Variants in SUPT6H observed in about 807,000 individuals in gnomAD.
SUPT6H encodes the protein transcription elongation factor SPT6.
In SUPT6H, 11 loss-of-function variants were observed where a neutral mutation model predicts 222.3. That is an observed-to-expected ratio of 0.05 (90% CI 0.03 to 0.08). The LOEUF is 0.08. Ranked by LOEUF, SUPT6H falls within the 10% of genes least tolerant of loss-of-function variation. The probability of loss-of-function intolerance (pLI) is 1.00; values close to 1 mark genes in which losing one functional copy is unlikely to be tolerated. For synonymous variants in SUPT6H, 762 were observed against 801.2 expected (o/e 0.95, Z 0.83); for missense variants, 1,422 against 2,216.0 (o/e 0.64, Z 7.19).
intron 1 of SUPT6H, among the ~76,000 whole-genome samples, chr17:28,663,828 A>ATTTTTTTTTTTTTT (rs71135839): frequency 0.045 from 1,723 of 38,326 alleles, 677 homozygotes; most frequent in Middle Eastern, 0.21. Flanking sequence ...TGCCCACTCC[A>ATTTTTTTTTTTTTT]TTTTTTTTTT....
rs1331507681 is a variant in SUPT6H, at chr17:28,696,866, A to C, written c.3993A>C (p.Ala1331=). 1 of 1,613,856 alleles carries C rather than the reference A, an allele frequency of 6.2e-7. No individual in the cohort carries two copies. ...CAGCATACATCAAGAGAGTGATCGCACACCCATCCTTCCATAATATCAATT... is the reference window on the plus strand; with the variant it reads ...CAGCATACATCAAGAGAGTGATCGCCCACCCATCCTTCCATAATATCAATT... The part of the protein sequence containing the change: ...QRTTYIKRVI[A]HPSFHNINFK... Residue 1331 remains alanine, a synonymous_variant, in exon 30 of 37, where the codon GCA becomes GCC. Transcript: ENST00000314616.
Position 28,695,513 on chromosome 17 carries a change from G to A in SUPT6H, c.3936G>A (p.Gln1312=). Residue 1312 remains glutamine (Q), a synonymous_variant, in exon 29 of 37, where the codon CAG becomes CAA. Coordinates refer to ENST00000314616, the MANE Select transcript of SUPT6H (RefSeq NM_003170.5). The part of the protein sequence containing the change: ...DFDAEAADHK[Q]EEDMKRKQQR... ...ATGCTGAAGCTGCAGACCACAAGCA[G>A]GAGGAGGACATGAAGCGGAAGCAGC... 1.2e-6 allele frequency: 2 copies of A among 1,614,098 alleles called. No homozygotes were observed. Among genetic ancestry groups the A allele is most frequent in the Non-Finnish European group, 1.7e-6 (2 of 1,180,012 alleles).
chr17:28,666,380 C>T (rs1028166081), intron 1 of SUPT6H, among the ~76,000 whole-genome samples: 1 of 152,142 alleles, frequency 6.6e-6, no homozygotes, highest in Non-Finnish European at 1.5e-5. Context: ...TTTGCCAACC[C>T]CTGTGCTAGA....
chr17:28,666,647 G>A (rs1240581685), intron 1 of SUPT6H, among the ~76,000 whole-genome samples: 5 of 150,542 alleles, frequency 3.3e-5, no homozygotes, highest in East Asian at 2.0e-4. Context: ...TGACTCCCAC[G>A]TTCAAGCGAT....
In SUPT6H at chr17:28,681,415, G is replaced by A; in HGVS notation, c.1498+11G>A. 6.3e-7 allele frequency: 1 copy of A among 1,575,826 alleles called. No homozygotes were observed. The highest frequency in any genetic ancestry group is 8.6e-7 in the Non-Finnish European group (1 of 1,164,256). Reference sequence around the variant, plus strand: ...AGGGAGATGAAGAAGGTTAGTGCTGGAAAAGAAAATCCAGGAGATTTGATG... The same window carrying A: ...AGGGAGATGAAGAAGGTTAGTGCTGAAAAAGAAAATCCAGGAGATTTGATG... On this transcript the variant is annotated intron_variant, in intron 12 of 36. Transcript: ENST00000314616.
At position 28,674,951 on chromosome 17, in the gene SUPT6H, C is replaced by T; in HGVS notation, c.346-19C>T. 6.2e-7 allele frequency: 1 copy of T among 1,611,346 alleles called. No individual in the cohort carries two copies. Among genetic ancestry groups the T allele is most frequent in the Non-Finnish European group, 8.5e-7 (1 of 1,178,516 alleles). On this transcript the variant is annotated intron_variant, in intron 4 of 36. Coordinates refer to ENST00000314616, the MANE Select transcript of SUPT6H (RefSeq NM_003170.5). ...CCAGACTCCTCAGATCCTGATAAGG[C>T]AGGTTTTCCCACCCCTAGCAAAAGT...
At position 28,688,353 on chromosome 17, in the gene SUPT6H, T is replaced by C. The variant is rs1164152500; in HGVS notation, c.3134+135T>C. 2.5e-6 allele frequency: 3 copies of C among 1,199,802 alleles called. No homozygotes were observed. The highest frequency in any genetic ancestry group is 3.4e-6 in the Non-Finnish European group (3 of 890,246). 74.3% of individuals were successfully genotyped at this position (1,199,802 alleles called of 1,614,324 possible). A position where few individuals can be genotyped will look rare whatever the true frequency, so the allele number is the denominator to read the frequency against. ...TGTTTTAAAGAAAAGGTAAGGAACT[T>C]TATTCAGTCAAGAGCCCCTGACCTA... On this transcript the variant is annotated intron_variant, in intron 24 of 36. Transcript: ENST00000314616. The surrounding 1 kb of genome is among the most constrained non-coding windows in gnomAD (Gnocchi z 4.3).
intron 21 of SUPT6H, 30 bp downstream of exon 21, chr17:28,686,819 G>C (rs769413659): frequency 4.0e-5 from 63 of 1,562,278 alleles, no homozygotes; most frequent in Non-Finnish European, 5.1e-5. Flanking sequence ...CTTAGGGCCT[G>C]CCCAGGCAAG....
chr17:28,675,152 T>G lies in SUPT6H; in HGVS notation c.528T>G (p.Asp176Glu), dbSNP rs1241760828. ...MAPPEEEEED[D>E]EESDIDDFIV... ...CTCCAGAGGAGGAGGAAGAAGATGA[T>G]GAGGAGTCAGGTATGTTATATTGGG... Residue 176 changes from aspartate to glutamate, a missense_variant, in exon 5 of 37, where the codon GAT (aspartate) becomes GAG (glutamate). Physicochemically the swap from Asp to Glu is conservative, Grantham distance 45. Around this residue, in one of 13 missense-constraint regions of SUPT6H, gnomAD observed 389 missense variants for 544.6 expected, o/e 0.71. Transcript: ENST00000314616. 8 of 1,610,128 alleles carry G rather than the reference T, an allele frequency of 5.0e-6. No homozygotes were observed. The highest frequency in any genetic ancestry group is 6.8e-6 in the Non-Finnish European group (8 of 1,178,922).
chr17:28,686,074 A>C (rs1168774864), intron 19 of SUPT6H, among the ~76,000 whole-genome samples: 1 of 152,196 alleles, frequency 6.6e-6, no homozygotes, highest in Admixed American at 6.5e-5. Context: ...TACAATAAAA[A>C]AGAACGGTTT....
At chr17:28,667,405 GTATATATATATATATATATA>G (rs59286877) in intron 1 of SUPT6H, among the ~76,000 whole-genome samples, 4 of 49,304 alleles carry the variant, frequency 8.1e-5, no homozygotes, top group East Asian at 8.5e-4. Context: ...GTGTGTGTGT[GTATATATATATATATATATA>G]TATATATATA....
chr17:28,667,479 G>A (rs755445550), intron 1 of SUPT6H, among the ~76,000 whole-genome samples: 33 of 131,636 alleles, frequency 2.5e-4, no homozygotes, highest in East Asian at 4.5e-4. Context: ...GTGTATATAT[G>A]TGTGTGTATA....
chr17:28,696,357 G>T (rs2031914100), intron 29 of SUPT6H, among the ~76,000 whole-genome samples: 1 of 151,382 alleles, frequency 6.6e-6, no homozygotes, highest in Admixed American at 6.6e-5. Context: ...AGCACTTTGG[G>T]AGGCTGAGGC....
rs564255175 is a variant in SUPT6H at position 28,674,163 on chromosome 17, G to A, written c.110-120G>A. ...TTTTGCATCTTTACATGAGGCAGAA[G>A]AGTTAACATGGCACCCAGGTCATTA... On this transcript the variant is annotated intron_variant, in intron 2 of 36. Coordinates refer to ENST00000314616, the MANE Select transcript of SUPT6H (RefSeq NM_003170.5). 2,862 of 1,208,968 alleles carry A rather than the reference G, an allele frequency of 2.4e-3. 14 individuals carry two copies. The highest frequency in any genetic ancestry group is 9.7e-3 in the Middle Eastern group (37 of 3,816). The allele number at this position is 1,208,968 out of a possible 1,614,324, so 74.9% of individuals were successfully genotyped here.
intron 1 of SUPT6H, among the ~76,000 whole-genome samples, chr17:28,663,789 T>C (rs1175818636): frequency 2.7e-5 from 4 of 147,770 alleles, no homozygotes; most frequent in African/African-American, 9.9e-5. Context: ...TCATTCACTC[T>C]TCATTTTATA....
chr17:28,697,116 C>G, intron 30 of SUPT6H, 34 bp downstream of exon 30: 1 of 1,591,798 alleles, frequency 6.3e-7, no homozygotes, highest in Non-Finnish European at 8.6e-7. Flanking sequence ...TCCCATCCCA[C>G]TCCTGCTTCC....
chr17:28,669,337 G>A (rs954522035), intron 1 of SUPT6H, among the ~76,000 whole-genome samples: 2 of 152,076 alleles, frequency 1.3e-5, no homozygotes, highest in African/African-American at 2.4e-5. Flanking sequence ...GACTACAGGC[G>A]CCTGCCACCA....
At chr17:28,663,832 T>TTTTTTC (rs2072115519) in intron 1 of SUPT6H, among the ~76,000 whole-genome samples, 1 of 103,364 alleles carries the variant, frequency 9.7e-6, no homozygotes, top group Non-Finnish European at 2.0e-5. Flanking sequence ...CACTCCATTT[T>TTTTTTC]TTTTTTTTTT....
chr17:28,699,264 G>A (rs966574047), intron 32 of SUPT6H, among the ~76,000 whole-genome samples: 1 of 152,192 alleles, frequency 6.6e-6, no homozygotes, highest in Non-Finnish European at 1.5e-5. Flanking sequence ...TGGTAACTTG[G>A]TGCAGCGTGT....
Sources: allele counts gnomAD v4.1 joint callset (sites outside exome capture counted in the v4.1 genomes callset), GRCh38; gene constraint gnomAD v4.1.1; regional missense constraint gnomAD v4.1.1; non-coding constraint Gnocchi (gnomAD v3.1); transcripts MANE v1.5; gene names NCBI Gene and HGNC (gene_info 2026-07-23, HGNC 2026-07-21).